LOC128462377: variants seen among roughly 807,000 people sequenced by gnomAD.
At chr16:89,368,868 CA>C in the LOC128462377 span, among the ~76,000 whole-genome samples, 1 of 152,076 alleles carries the variant, frequency 6.6e-6, no homozygotes, top group African/African-American at 2.4e-5. Context: ...CCACTGCACT[CA>C]AATCTAGGGG....
chr16:89,393,127 C>T, the LOC128462377 span, among the ~76,000 whole-genome samples: 3 of 152,096 alleles, frequency 2.0e-5, no homozygotes, highest in African/African-American at 7.2e-5. Context: ...TACCTTCTCT[C>T]ACAGGAGCCT....
the LOC128462377 span, among the ~76,000 whole-genome samples, chr16:89,325,514 C>CA: frequency 6.6e-6 from 1 of 151,240 alleles, no homozygotes; most frequent in Non-Finnish European, 1.5e-5. Flanking sequence ...ATGTTGGGGA[C>CA]AAAATACATG....
the LOC128462377 span, among the ~76,000 whole-genome samples, chr16:89,386,561 T>C: frequency 5.3e-5 from 8 of 152,124 alleles, no homozygotes; most frequent in Admixed American, 3.9e-4. Flanking sequence ...CGCAACGACC[T>C]TGCATCCTGC....
At chr16:89,371,763 C>T in the LOC128462377 span, among the ~76,000 whole-genome samples, 1 of 152,162 alleles carries the variant, frequency 6.6e-6, no homozygotes, top group Non-Finnish European at 1.5e-5. Context: ...CTCAGGATGA[C>T]GGAGAGGAGA....
the LOC128462377 span, among the ~76,000 whole-genome samples, chr16:89,352,230 G>A: frequency 6.6e-6 from 1 of 152,104 alleles, no homozygotes; most frequent in Admixed American, 6.6e-5. Context: ...TTTCCCTAGG[G>A]ATGGAATGCT....
the LOC128462377 span, among the ~76,000 whole-genome samples, chr16:89,334,929 T>TG: frequency 1.3e-5 from 2 of 151,968 alleles, no homozygotes; most frequent in Non-Finnish European, 2.9e-5. Flanking sequence ...CCCATGGTGC[T>TG]GGGGGCCAGG....
At chr16:89,411,357 G>A in the LOC128462377 span, among the ~76,000 whole-genome samples, 1 of 152,262 alleles carries the variant, frequency 6.6e-6, no homozygotes, top group Non-Finnish European at 1.5e-5. Flanking sequence ...ACCGGAAGAG[G>A]AGCAGGCTGC....
the LOC128462377 span, among the ~76,000 whole-genome samples, chr16:89,382,365 A>T: frequency 6.6e-6 from 1 of 152,016 alleles, no homozygotes; most frequent in Non-Finnish European, 1.5e-5. Context: ...TCGTTCTGTC[A>T]CCCAGGCTGG....
chr16:89,402,487 C>T, the LOC128462377 span, among the ~76,000 whole-genome samples: 1 of 151,954 alleles, frequency 6.6e-6, no homozygotes, highest in African/African-American at 2.4e-5. Flanking sequence ...CAAGAGCATC[C>T]TGGGAATGAC....
At chr16:89,410,809 G>A in the LOC128462377 span, among the ~76,000 whole-genome samples, 1 of 152,206 alleles carries the variant, frequency 6.6e-6, no homozygotes, top group Non-Finnish European at 1.5e-5. Flanking sequence ...TAAGCCCATG[G>A]GAAGCTTAAC....
the LOC128462377 span, among the ~76,000 whole-genome samples, chr16:89,327,005 GGGGGAATGCAGAGGT>G: frequency 6.1e-4 from 84 of 137,636 alleles, no homozygotes; most frequent in African/African-American, 2.1e-3. Flanking sequence ...GGAATGCAGA[GGGGGAATGCAGAGGT>G]GGGGAATGCA....
At chr16:89,343,305 T>A in the LOC128462377 span, among the ~76,000 whole-genome samples, 2 of 152,208 alleles carry the variant, frequency 1.3e-5, no homozygotes, top group Non-Finnish European at 2.9e-5. Flanking sequence ...AGCGCATTTT[T>A]TAAAAAGCAA....
At chr16:89,341,666 A>G in the LOC128462377 span, among the ~76,000 whole-genome samples, 2,234 of 152,342 alleles carry the variant, frequency 0.015, 47 homozygotes, top group African/African-American at 0.05. Flanking sequence ...CACGTATGCA[A>G]ACGTGGCTTT....
the LOC128462377 span, among the ~76,000 whole-genome samples, chr16:89,333,602 G>A: frequency 4.6e-5 from 7 of 152,314 alleles, no homozygotes; most frequent in East Asian, 1.3e-3. Context: ...GGATGTCAGA[G>A]TCGGAACCCT....
the LOC128462377 span, among the ~76,000 whole-genome samples, chr16:89,411,885 G>A: frequency 6.6e-6 from 1 of 151,934 alleles, no homozygotes. Context: ...GAGTCTCCTG[G>A]CCATGTTCCA....
chr16:89,360,618 C>T, the LOC128462377 span: 1 of 152,172 alleles, frequency 6.6e-6, no homozygotes, highest in African/African-American at 2.4e-5. Context: ...TTCTAGAAGC[C>T]AGTGCACCTG....
chr16:89,339,701 A>G, the LOC128462377 span, among the ~76,000 whole-genome samples: 1 of 152,234 alleles, frequency 6.6e-6, no homozygotes, highest in Admixed American at 6.5e-5. Flanking sequence ...ACAAACACAC[A>G]TCCACCATCT....
At chr16:89,408,758 C>T in the LOC128462377 span, among the ~76,000 whole-genome samples, 1 of 152,182 alleles carries the variant, frequency 6.6e-6, no homozygotes, top group Admixed American at 6.5e-5. Context: ...GCCGTGGAAT[C>T]CTGAATTCAA....
the LOC128462377 span, among the ~76,000 whole-genome samples, chr16:89,390,720 G>C: frequency 6.6e-5 from 10 of 152,176 alleles, no homozygotes; most frequent in African/African-American, 2.4e-4. Context: ...GCCAGCACCC[G>C]TAAGTCCTGC....
Sources: gnomAD v4.1 joint callset for allele counts (sites outside exome capture counted in the v4.1 genomes callset) on GRCh38, gnomAD v4.1.1 for gene constraint, MANE v1.5 for transcripts.